Variants in KIF26B observed in about 807,000 individuals in gnomAD.
KIF26B encodes the protein kinesin family member 26B.
In KIF26B, 63 loss-of-function variants were observed where a neutral mutation model predicts 151.2. The observed-to-expected ratio is 0.42, with a 90% CI of 0.34 to 0.51. The LOEUF (loss-of-function observed/expected upper bound fraction) is 0.51. KIF26B is among the 20% of genes least tolerant of loss of function. The probability of loss-of-function intolerance (pLI) is 0.07; values close to 1 mark genes in which losing one functional copy is unlikely to be tolerated. For synonymous variants in KIF26B, 1,357 were observed against 1,262.1 expected, an observed-to-expected ratio of 1.08 and a Z score of -1.59; for missense variants, 2,813 against 2,913.6, an observed-to-expected ratio of 0.97 and a Z score of 0.79.
At chr1:245,650,545 G>T (rs1424465768) in intron 10 of KIF26B, among the ~76,000 whole-genome samples, 3 of 152,238 alleles carry the variant, frequency 2.0e-5, no homozygotes, top group African/African-American at 7.2e-5. Flanking sequence ...TAGAATTTCT[G>T]GTTCTCTTAG....
At chr1:245,314,132 C>T (rs1448879923) in intron 2 of KIF26B, among the ~76,000 whole-genome samples, 1 of 152,140 alleles carries the variant, frequency 6.6e-6, no homozygotes, top group African/African-American at 2.4e-5. Context: ...GACAGGGACT[C>T]CTGGCAGCAC....
chr1:245,330,021 G>T (rs1672068676), intron 2 of KIF26B, among the ~76,000 whole-genome samples: 3 of 151,996 alleles, frequency 2.0e-5, no homozygotes, highest in Admixed American at 2.0e-4. Flanking sequence ...TGCCCAGGCT[G>T]ATCTTGAACC....
In KIF26B at chr1:245,156,789, C is replaced by T. The variant is rs906602396; in HGVS notation, c.465+106C>T. ...CGCGACCTTGCGCGCCGGCTCCACG[C>T]GAGAGCCCCCGGCGGCGCTGGGGAT... is the stretch of plus-strand genomic sequence containing the variant. On this transcript the variant is annotated intron_variant, in intron 2 of 14. Coordinates refer to ENST00000407071, the MANE Select transcript of KIF26B (RefSeq NM_018012.4). The T allele has an allele frequency of 4.2e-5, 27 of 643,816 alleles. No individual in the cohort carries two copies. In the African/African-American group the frequency reaches 5.0e-4, roughly 12 times the overall value. 39.9% of individuals were successfully genotyped at this position (643,816 alleles called of 1,614,324 possible).
At chr1:245,519,935 C>G (rs1661053055) in intron 4 of KIF26B, among the ~76,000 whole-genome samples, 1 of 152,010 alleles carries the variant, frequency 6.6e-6, no homozygotes, top group South Asian at 2.1e-4. Flanking sequence ...AAATGCAGAA[C>G]AAGTTTAAAA....
intron 5 of KIF26B, among the ~76,000 whole-genome samples, chr1:245,556,433 G>C (rs1662041645): frequency 6.6e-6 from 1 of 150,918 alleles, no homozygotes; most frequent in Admixed American, 6.6e-5. Flanking sequence ...GTCTGCTTTT[G>C]TCACCCAGGC....
intron 2 of KIF26B, among the ~76,000 whole-genome samples, chr1:245,314,070 C>T (rs370050288): frequency 3.7e-4 from 56 of 152,320 alleles, no homozygotes; most frequent in Middle Eastern, 3.4e-3. Context: ...TCTCAGGAGG[C>T]CTGCTCTTGT....
At chr1:245,614,414 C>G (rs2043562466) in intron 9 of KIF26B, among the ~76,000 whole-genome samples, 1 of 152,206 alleles carries the variant, frequency 6.6e-6, no homozygotes, top group African/African-American at 2.4e-5. Context: ...ACCTCGTGAT[C>G]CACCCGCCTC....
rs148744022 is a variant in KIF26B at position 245,633,695 on chromosome 1, G to T, written c.2099-12426G>T. 1.1e-3 allele frequency among the ~76,000 whole-genome samples: 171 copies of T among 152,014 alleles called. 2 individuals are homozygous for T. The East Asian group carries it at 0.028, about 25-fold the overall frequency. On this transcript the variant is annotated intron_variant, in intron 9 of 14. Coordinates refer to ENST00000407071, the MANE Select transcript of KIF26B (RefSeq NM_018012.4). ...CTTTACTTTTCATTCATTTTTTAAG[G>T]ATAGCTTTCAGCAATATTTCATCTT...
rs533402553 is a variant in KIF26B at position 245,500,553 on chromosome 1, T to C, written c.1167-40214T>C. On this transcript the variant is annotated intron_variant, in intron 4 of 14. Coordinates refer to ENST00000407071, the MANE Select transcript of KIF26B (RefSeq NM_018012.4). ...CCTGGTGTAATACCTGTTAACATGC[T>C]CGGTGCCTGAAGCAAATTGGCAAGC... 6.6e-5 allele frequency among the ~76,000 whole-genome samples: 10 copies of C among 152,378 alleles called. No individual in the cohort carries two copies. In the South Asian group the frequency reaches 2.1e-3, roughly 32 times the overall value.
intron 3 of KIF26B, among the ~76,000 whole-genome samples, chr1:245,372,552 T>G (rs999483432): frequency 6.6e-6 from 1 of 152,192 alleles, no homozygotes; most frequent in Non-Finnish European, 1.5e-5. Context: ...CAGTGTCTAT[T>G]GTTCCTCGTC....
intron 2 of KIF26B, among the ~76,000 whole-genome samples, chr1:245,221,966 C>T (rs1396330732): frequency 1.3e-5 from 2 of 152,210 alleles, no homozygotes; most frequent in Admixed American, 6.5e-5. Context: ...AACTGCATGA[C>T]ATGCATGACA....
At chr1:245,616,576 C>G (rs1338075298) in intron 9 of KIF26B, among the ~76,000 whole-genome samples, 1 of 152,098 alleles carries the variant, frequency 6.6e-6, no homozygotes, top group African/African-American at 2.4e-5. Flanking sequence ...TTCATATATG[C>G]CTTATAGACA....
At chr1:245,312,044 T>G (rs926438217) in intron 2 of KIF26B, among the ~76,000 whole-genome samples, 2 of 152,216 alleles carry the variant, frequency 1.3e-5, no homozygotes, top group African/African-American at 2.4e-5. Context: ...GGCTGATGGC[T>G]TAGTCATCCT....
chr1:245,397,760 A>G (rs1329700002), intron 3 of KIF26B, among the ~76,000 whole-genome samples: 1 of 152,204 alleles, frequency 6.6e-6, no homozygotes, highest in African/African-American at 2.4e-5. Flanking sequence ...AATGTTTGAG[A>G]CACTGTAGTT....
intron 2 of KIF26B, among the ~76,000 whole-genome samples, chr1:245,249,017 C>T (rs1000919974): frequency 1.3e-5 from 2 of 152,148 alleles, no homozygotes; most frequent in Non-Finnish European, 2.9e-5. Flanking sequence ...TTCGCTTTAG[C>T]TGAGTAAGGC....
intron 2 of KIF26B, among the ~76,000 whole-genome samples, chr1:245,177,886 T>C (rs1462671578): frequency 6.6e-6 from 1 of 152,156 alleles, no homozygotes; most frequent in Non-Finnish European, 1.5e-5. Flanking sequence ...AAAGACTCAG[T>C]CAGCGGGGAT....
At chr1:245,216,882 A>G (rs1669657516) in intron 2 of KIF26B, among the ~76,000 whole-genome samples, 1 of 152,198 alleles carries the variant, frequency 6.6e-6, no homozygotes, top group Non-Finnish European at 1.5e-5. Flanking sequence ...AGTGTTTAAT[A>G]TAAAATCGTT....
chr1:245,332,771 T>C (rs1672140521), intron 2 of KIF26B, among the ~76,000 whole-genome samples: 1 of 152,198 alleles, frequency 6.6e-6, no homozygotes, highest in East Asian at 1.9e-4. Context: ...TCATGGCTCA[T>C]AAGTTTCCAG....
rs570685131 is a variant in KIF26B at position 245,499,274 on chromosome 1, T to A, written c.1167-41493T>A. Among the ~76,000 whole-genome samples the A allele has an allele frequency of 1.3e-4, 20 of 152,300 alleles. No homozygotes were observed. In the East Asian group the frequency reaches 3.7e-3, roughly 28 times the overall value. On this transcript the variant is annotated intron_variant, in intron 4 of 14. Coordinates refer to ENST00000407071, the MANE Select transcript of KIF26B (RefSeq NM_018012.4). ...GTGTGTGTGTGTGTCTGTGTGTGTT[T>A]GTGGTTTCCTTTCCTGGAAACCCTT...
Sources: allele counts gnomAD v4.1 joint callset (sites outside exome capture counted in the v4.1 genomes callset), GRCh38; gene constraint gnomAD v4.1.1; transcripts MANE v1.5; gene names NCBI Gene and HGNC (gene_info 2026-07-23, HGNC 2026-07-21).